The following RNF138 variants were observed in gnomAD, a reference collection of about 807,000 sequenced individuals.
The protein encoded by RNF138 is ring finger protein 138.
In RNF138, 12 loss-of-function variants were observed where a neutral mutation model predicts 31.0. That is an observed-to-expected ratio of 0.39 (90% CI 0.25 to 0.63). RNF138 has a LOEUF of 0.63. Ranked by LOEUF, RNF138 falls within the 20% of genes least tolerant of loss-of-function variation. RNF138 has a pLI of 0.52. For synonymous variants in RNF138, 105 were observed against 99.5 expected (o/e 1.06, Z -0.33); for missense variants, 192 against 300.1 (o/e 0.64, Z 2.66).
intron 2 of RNF138, among the ~76,000 whole-genome samples, chr18:32,100,663 CGGG>C (rs1438733940): frequency 6.6e-6 from 1 of 151,872 alleles, no homozygotes; most frequent in Non-Finnish European, 1.5e-5. Flanking sequence ...TTAATAGAGA[CGGG>C]GGTTTCACCA....
chr18:32,126,575 A>G, intron 6 of RNF138, 118 bp from the exon 7 acceptor site: 1 of 584,114 alleles, frequency 1.7e-6, no homozygotes, highest in African/African-American at 1.9e-5. Context: ...TGGCCTTTAA[A>G]AATGCTTCTC....
intron 2 of RNF138, among the ~76,000 whole-genome samples, chr18:32,096,898 TA>T (rs200779716): frequency 2.0e-5 from 3 of 152,112 alleles, no homozygotes; most frequent in East Asian, 1.9e-4. Context: ...GCCTGGCTAT[TA>T]AAAAAAATTT....
At position 32,092,193 on chromosome 18, in the gene RNF138, A is replaced by C. The variant is rs2039701750; in HGVS notation, c.-120A>C. On this transcript the variant is annotated 5_prime_UTR_variant, in exon 1 of 8. Coordinates refer to ENST00000261593, the MANE Select transcript of RNF138 (RefSeq NM_016271.5). Reference sequence around the variant, plus strand: ...GGGCCGGGTCTCTACGAACACGTGAAGGAAAAGCAGCTCCGTCCACAACGC... The same window carrying C: ...GGGCCGGGTCTCTACGAACACGTGACGGAAAAGCAGCTCCGTCCACAACGC... The C allele has an allele frequency of 6.6e-6, 1 of 152,468 alleles. No homozygotes were observed. Among genetic ancestry groups the C allele is most frequent in the Non-Finnish European group, 1.5e-5 (1 of 68,134 alleles). The allele number at this position is 152,468 out of a possible 1,614,324, so 9.4% of individuals were successfully genotyped here. A position where few individuals can be genotyped will look rare whatever the true frequency, so the allele number is the denominator to read the frequency against.
intron 2 of RNF138, among the ~76,000 whole-genome samples, chr18:32,094,648 A>G (rs537069622): frequency 3.6e-4 from 55 of 152,254 alleles, no homozygotes; most frequent in Non-Finnish European, 5.9e-4. Context: ...CACAATATAG[A>G]TCTTCCACCT....
chr18:32,102,861 C>T (rs575386755), intron 2 of RNF138, among the ~76,000 whole-genome samples: 95 of 151,508 alleles, frequency 6.3e-4, no homozygotes, highest in African/African-American at 2.1e-3. Context: ...GAACTCCTGA[C>T]CTTAGGTGAT....
At chr18:32,101,594 T>C (rs2039941627) in intron 2 of RNF138, among the ~76,000 whole-genome samples, 1 of 152,152 alleles carries the variant, frequency 6.6e-6, no homozygotes, top group Non-Finnish European at 1.5e-5. Flanking sequence ...TTCAAGATCA[T>C]GAATGGATAG....
intron 2 of RNF138, among the ~76,000 whole-genome samples, chr18:32,101,280 G>T (rs1443337561): frequency 1.3e-5 from 2 of 149,304 alleles, no homozygotes. Context: ...AGTGGCACAC[G>T]CAGTCTTGGC....
chr18:32,094,042 C>A (rs1033470716), intron 2 of RNF138, among the ~76,000 whole-genome samples: 1 of 152,120 alleles, frequency 6.6e-6, no homozygotes, highest in Admixed American at 6.5e-5. Flanking sequence ...CCTCCCGCCT[C>A]GGCCTCCCAA....
chr18:32,124,620 AG>A, intron 5 of RNF138, 113 bp from the exon 6 acceptor site: 1 of 622,964 alleles, frequency 1.6e-6, no homozygotes, highest in Admixed American at 2.7e-5. Flanking sequence ...ATCTTTGAAT[AG>A]TCTAATAATT....
chr18:32,102,195 C>CTTTTTTTTT (rs1167535943), intron 2 of RNF138, among the ~76,000 whole-genome samples: 13 of 63,828 alleles, frequency 2.0e-4, no homozygotes, highest in Non-Finnish European at 3.1e-4. Context: ...CTTTTAGTTT[C>CTTTTTTTTT]TTTTTTTTTT....
intron 2 of RNF138, among the ~76,000 whole-genome samples, chr18:32,104,053 G>T (rs924634588): frequency 1.4e-5 from 2 of 141,696 alleles, no homozygotes; most frequent in African/African-American, 5.3e-5. Context: ...TAGTTCTGTC[G>T]CCCATGCCAG....
chr18:32,100,537 G>A (rs990965393), intron 2 of RNF138, among the ~76,000 whole-genome samples: 13 of 145,060 alleles, frequency 9.0e-5, no homozygotes, highest in Admixed American at 4.3e-4. Flanking sequence ...GTGCAATGGC[G>A]CGATCTCGGC....
At chr18:32,125,431 G>C (rs2040368678) in intron 6 of RNF138, among the ~76,000 whole-genome samples, 1 of 152,172 alleles carries the variant, frequency 6.6e-6, no homozygotes, top group Non-Finnish European at 1.5e-5. Context: ...AACATATAAT[G>C]ATCCTAGAAG....
chr18:32,113,913 GTT>G, intron 4 of RNF138, 53 bp downstream of exon 4: 1 of 940,136 alleles, frequency 1.1e-6, no homozygotes. Flanking sequence ...AATGGAAATT[GTT>G]TTGGGAACTA....
rs954208005 is a variant in RNF138 at position 32,092,997 on chromosome 18, C to T, written c.110+111C>T. 1.1e-5 allele frequency: 6 copies of T among 541,100 alleles called. No individual in the cohort carries two copies. In the Admixed American group the frequency reaches 1.3e-4, roughly 12 times the overall value. The allele number at this position is 541,100 out of a possible 1,614,324, so 33.5% of individuals were successfully genotyped here. On this transcript the variant is annotated intron_variant, in intron 2 of 7. Coordinates refer to ENST00000261593, the MANE Select transcript of RNF138 (RefSeq NM_016271.5). ...GGGAACCGAGCCCGCCGCGGCCTGC[C>T]CGAGCGTCGCTGCCCCGCGAGGTCC...
At chr18:32,092,673 C>T (rs1379772833) in intron 1 of RNF138, 27 bp from the exon 2 acceptor site, 5 of 709,076 alleles carry the variant, frequency 7.1e-6, no homozygotes, top group African/African-American at 3.5e-5. Context: ...CTGATGCGAT[C>T]CCCCTCCCCC....
intron 4 of RNF138, among the ~76,000 whole-genome samples, chr18:32,120,615 C>T (rs1468935360): frequency 8.5e-5 from 13 of 152,072 alleles, no homozygotes; most frequent in Non-Finnish European, 1.3e-4. Context: ...GCTAAATGAG[C>T]AGGCATGATA....
At chr18:32,119,227 A>G (rs2040264754) in intron 4 of RNF138, among the ~76,000 whole-genome samples, 1 of 152,052 alleles carries the variant, frequency 6.6e-6, no homozygotes, top group Non-Finnish European at 1.5e-5. Flanking sequence ...GTAGGAGGTG[A>G]TCCATTGTTC....
intron 2 of RNF138, among the ~76,000 whole-genome samples, chr18:32,096,983 C>T (rs984055544): frequency 6.6e-6 from 1 of 152,222 alleles, no homozygotes; most frequent in Non-Finnish European, 1.5e-5. Context: ...CCTCCTGCCT[C>T]AGCCTCCCAA....
Sources: allele counts gnomAD v4.1 joint callset (sites outside exome capture counted in the v4.1 genomes callset), GRCh38; gene constraint gnomAD v4.1.1; transcripts MANE v1.5; gene names NCBI Gene and HGNC (gene_info 2026-07-23, HGNC 2026-07-21).